The following ASNS variants were observed in gnomAD, a reference collection of about 807,000 sequenced individuals.
The protein encoded by ASNS is asparagine synthetase [glutamine-hydrolyzing].
ASNS carries 37 observed loss-of-function variants against 62.6 expected under a neutral mutation model. That is an observed-to-expected ratio of 0.59 (90% confidence interval 0.45 to 0.78). The LOEUF is 0.78. ASNS is among the 30% of genes least tolerant of loss of function. The probability of loss-of-function intolerance (pLI) is 0.00; values close to 1 mark genes in which losing one functional copy is unlikely to be tolerated. For missense variants in ASNS, 520 were observed against 682.4 expected (o/e 0.76, Z 2.65); for synonymous variants, 207 against 237.9 (o/e 0.87, Z 1.19).
chr7:97,871,638 T>G (rs1027234069), intron 1 of ASNS: 1 of 152,438 alleles, frequency 6.6e-6, no homozygotes, highest in Non-Finnish European at 1.5e-5. Context: ...AAGCCAGCCC[T>G]GCAAAATGAC....
the ASNS span, among the ~76,000 whole-genome samples, chr7:97,900,619 G>A: frequency 3.9e-5 from 6 of 152,284 alleles, no homozygotes; most frequent in East Asian, 5.8e-4. Flanking sequence ...GAGGGAGAGA[G>A]GCAGAAATGC....
At chr7:97,888,866 G>T in the ASNS span, among the ~76,000 whole-genome samples, 56 of 152,192 alleles carry the variant, frequency 3.7e-4, no homozygotes, top group Non-Finnish European at 6.9e-4. Flanking sequence ...TGACTCATCT[G>T]CCTCCAGAGC....
At chr7:97,894,981 T>C in the ASNS span, among the ~76,000 whole-genome samples, 2 of 152,176 alleles carry the variant, frequency 1.3e-5, no homozygotes, top group Non-Finnish European at 2.9e-5. Flanking sequence ...AGCATAATAC[T>C]ACCAAGCCAA....
upstream of ASNS, among the ~76,000 whole-genome samples, chr7:97,874,054 GC>G (rs1190882870): frequency 3.3e-5 from 5 of 152,136 alleles, no homozygotes; most frequent in Non-Finnish European, 7.4e-5. Context: ...TTCCTAATAA[GC>G]CTGGGAGTGC....
chr7:97,878,106 C>T, the ASNS span, among the ~76,000 whole-genome samples: 14 of 152,314 alleles, frequency 9.2e-5, no homozygotes, highest in Non-Finnish European at 1.8e-4. Context: ...CTTCTCTGGG[C>T]TGGGTGGAGT....
intron 8 of ASNS, 127 bp downstream of exon 8, chr7:97,856,562 TA>T: frequency 1.2e-6 from 1 of 832,436 alleles, no homozygotes; most frequent in Non-Finnish European, 1.8e-6. Flanking sequence ...ATCAGTAACA[TA>T]GGGATTTAAT....
intron 10 of ASNS, 151 bp downstream of exon 10, chr7:97,854,429 A>G: frequency 1.1e-6 from 1 of 918,734 alleles, no homozygotes; most frequent in Non-Finnish European, 1.6e-6. Flanking sequence ...TTTCTCTATA[A>G]AAGTCACACT....
In ASNS at chr7:97,852,793, C is replaced by T. The variant is rs1049078500; in HGVS notation, c.1476+267G>A. On this transcript the variant is annotated intron_variant, in intron 12 of 12. Transcript: ENST00000394308. ...TTAGTAGTAAGTCTCCTCTCTCTCT[C>T]GATTCTAGATGCTACTTTATAATCC... Among the ~76,000 whole-genome samples the T allele has an allele frequency of 3.9e-5, 6 of 152,236 alleles. No homozygotes were observed. The East Asian group carries it at 5.8e-4, about 15-fold the overall frequency.
upstream of ASNS, among the ~76,000 whole-genome samples, chr7:97,874,424 CCTT>C (rs1792397924): frequency 6.6e-6 from 1 of 152,310 alleles, no homozygotes; most frequent in Middle Eastern, 3.4e-3. Context: ...CGATATACAT[CCTT>C]CTCGGCTGAC....
At chr7:97,921,834 C>T in the ASNS span, among the ~76,000 whole-genome samples, 1 of 152,162 alleles carries the variant, frequency 6.6e-6, no homozygotes, top group South Asian at 2.1e-4. Flanking sequence ...TGGGTGGGTG[C>T]CGGAGCATCT....
chr7:97,873,062 C>T (rs1392033755), upstream of ASNS, among the ~76,000 whole-genome samples: 1 of 152,160 alleles, frequency 6.6e-6, no homozygotes, highest in Admixed American at 6.5e-5. Context: ...AGGGAGACCC[C>T]CATCTCTAAA....
At chr7:97,910,280 CAT>C in the ASNS span, among the ~76,000 whole-genome samples, 5 of 152,178 alleles carry the variant, frequency 3.3e-5, no homozygotes, top group Non-Finnish European at 4.4e-5. Context: ...CCCACACACA[CAT>C]GATTCTGATG....
At chr7:97,890,513 G>A in the ASNS span, among the ~76,000 whole-genome samples, 9 of 152,148 alleles carry the variant, frequency 5.9e-5, no homozygotes, top group Admixed American at 5.2e-4. Context: ...TAGGAGAAAA[G>A]GGGATGTATA....
intron 4 of ASNS, 52 bp from the exon 5 acceptor site, chr7:97,859,450 A>ACTTTCAC (rs1487956780): frequency 3.3e-6 from 5 of 1,503,926 alleles, no homozygotes; most frequent in African/African-American, 1.4e-5. Context: ...CTTCCCAATA[A>ACTTTCAC]CTTTCACGAT....
chr7:97,912,098 C>T, the ASNS span, among the ~76,000 whole-genome samples: 1 of 152,254 alleles, frequency 6.6e-6, no homozygotes, highest in South Asian at 2.1e-4. Flanking sequence ...TGGGACTCCT[C>T]CCGCAAGTTT....
At chr7:97,861,860 C>T (rs1377171598) in intron 4 of ASNS, among the ~76,000 whole-genome samples, 1 of 152,148 alleles carries the variant, frequency 6.6e-6, no homozygotes, top group Admixed American at 6.5e-5. Flanking sequence ...TTATAGTTTT[C>T]AGAGTACAAG....
At chr7:97,877,672 G>A in the ASNS span, among the ~76,000 whole-genome samples, 1 of 152,166 alleles carries the variant, frequency 6.6e-6, no homozygotes, top group African/African-American at 2.4e-5. Flanking sequence ...CACCTCCAAA[G>A]ACAGTTCACA....
chr7:97,875,399 A>G (rs957998970), upstream of ASNS, among the ~76,000 whole-genome samples: 8 of 152,308 alleles, frequency 5.3e-5, no homozygotes, highest in African/African-American at 7.2e-5. Context: ...TTGGCCTCCC[A>G]AAGTTCTGGG....
At position 97,853,224 on chromosome 7, in the gene ASNS, A is replaced by G; in HGVS notation, c.1321-9T>C. ...TGTTTTTCTATCCCATTCTGACGTGACAAAAAAAGGAGCATCAGGTAAAAA... is the reference window on the plus strand; with the variant it reads ...TGTTTTTCTATCCCATTCTGACGTGGCAAAAAAAGGAGCATCAGGTAAAAA... On this transcript the variant is annotated splice_polypyrimidine_tract_variant and intron_variant, in intron 11 of 12. Transcript: ENST00000394308. 6.2e-7 allele frequency: 1 copy of G among 1,606,390 alleles called. No individual in the cohort carries two copies. The highest frequency in any genetic ancestry group is 8.5e-7 in the Non-Finnish European group (1 of 1,175,904).
Sources: allele counts gnomAD v4.1 joint callset (sites outside exome capture counted in the v4.1 genomes callset), GRCh38; gene constraint gnomAD v4.1.1; transcripts MANE v1.5; gene names NCBI Gene and HGNC (gene_info 2026-07-23, HGNC 2026-07-21).